TPSG1: variants seen among roughly 807,000 people sequenced by gnomAD.
TPSG1 encodes the protein tryptase gamma 1.
In TPSG1, 43 loss-of-function variants were observed where a neutral mutation model predicts 23.8. The observed-to-expected ratio is 1.81, with a 90% CI of 1.42 to 2.33. The LOEUF (loss-of-function observed/expected upper bound fraction) is 2.33, where lower values mean the gene tolerates loss of function less well. Among genes scored for constraint, TPSG1 ranks in the 30% most tolerant of loss-of-function variants. TPSG1 has a pLI of 0.00. For missense variants in TPSG1, 623 were observed against 438.6 expected, an observed-to-expected ratio of 1.42 and a Z score of -3.75; for synonymous variants, 302 against 201.3, an observed-to-expected ratio of 1.50 and a Z score of -4.23.
rs758326738 is a variant in TPSG1 at position 1,222,333 on chromosome 16, G to A, written c.520C>T (p.Pro174Ser). The A allele has an allele frequency of 4.4e-6, 7 of 1,597,222 alleles. No individual in the cohort carries two copies. The African/African-American group carries it at 6.7e-5, about 15-fold the overall frequency. ...WGYTREGEPL[P>S]PPYSLREVKV... is the part of the protein sequence containing the mutation. ...ACCTCCCGCAGGCTGTACGGGGGTGGCAGAGGCTCTGGGGTGGGGGGAACA... is the reference window on the plus strand; with the variant it reads ...ACCTCCCGCAGGCTGTACGGGGGTGACAGAGGCTCTGGGGTGGGGGGAACA... The change falls in exon 5 of 6, where the codon CCA (proline) becomes TCA (serine). Residue 174 changes from proline to serine, a missense_variant. By Grantham distance (74) the Pro-to-Ser change is moderately conservative (BLOSUM62 -1). Transcript: ENST00000234798.
intron 1 of TPSG1, chr16:1,224,906 C>A: frequency 1.7e-6 from 1 of 594,568 alleles, no homozygotes; most frequent in Non-Finnish European, 3.0e-6. Context: ...AAGAAATCAC[C>A]AGTGTTCTAG....
At position 1,222,076 on chromosome 16, in the gene TPSG1, C is replaced by G. The variant is rs1331149285; in HGVS notation, c.678G>C (p.Leu226=). Reference sequence around the variant, plus strand: ...CCCAGGCACCGTTCACCTGGCAGACCAGAGGCCCCCCGGAGTCGTCCTGAG... The same window carrying G: ...CCCAGGCACCGTTCACCTGGCAGACGAGAGGCCCCCCGGAGTCGTCCTGAG... The part of the protein sequence containing the change: ...DACQDDSGGP[L]VCQVNGAWVQ... The change falls in exon 6 of 6, where the codon CTG becomes CTC. Residue 226 remains leucine (L), a synonymous_variant. Coordinates refer to ENST00000234798, the MANE Select transcript of TPSG1 (RefSeq NM_012467.4). The G allele has an allele frequency of 5.6e-6, 9 of 1,612,818 alleles. No individual in the cohort carries two copies. The highest frequency in any genetic ancestry group is 4.2e-6 in the Non-Finnish European group (5 of 1,179,998).
rs988064217 is a variant in TPSG1, at chr16:1,221,722, G to GCTCTT, written c.*65_*66insAAGAG. On this transcript the variant is annotated 3_prime_UTR_variant, in exon 6 of 6. Transcript: ENST00000234798. ...GATGCAGAAGACTCAGCTTCTCAAG[G>GCTCTT]GAGAGGGAGGGGGCGGAGCGGAATA... 9.8e-6 allele frequency: 14 copies of GCTCTT among 1,430,212 alleles called. No homozygotes were observed. Among genetic ancestry groups the GCTCTT allele is most frequent in the Non-Finnish European group, 1.3e-5 (14 of 1,064,302 alleles). 88.6% of individuals were successfully genotyped at this position (1,430,212 alleles called of 1,614,324 possible).
chr16:1,222,772 GCTC>G lies in TPSG1; in HGVS notation c.388_390del (p.Glu130del), dbSNP rs768087879. ...CTGGAGAGGGTCACGGGGACACTGA[GCTC>G]CACCAGGGCGATGTCCCCGCTGGTC... is the stretch of plus-strand genomic sequence containing the variant. On this transcript the variant is annotated inframe_deletion, in exon 4 of 6. Transcript: ENST00000234798. 5 of 1,612,394 alleles carry G rather than the reference GCTC, an allele frequency of 3.1e-6. No homozygotes were observed. The highest frequency in any genetic ancestry group is 4.2e-6 in the Non-Finnish European group (5 of 1,179,792).
At chr16:1,222,385 G>C in intron 4 of TPSG1, 44 bp from the exon 5 acceptor site, 1 of 1,516,214 alleles carries the variant, frequency 6.6e-7, no homozygotes, top group Non-Finnish European at 8.9e-7. Flanking sequence ...GGGGCACCAG[G>C]CCCTGCACTG....
rs761461989 is a variant in TPSG1, at chr16:1,224,581, C to G, written c.73+21G>C. 4 of 1,613,840 alleles carry G rather than the reference C, an allele frequency of 2.5e-6. 1 individual carries two copies. In the South Asian group the frequency reaches 4.4e-5, roughly 18 times the overall value. ...CCTTGCCTGCACCCTCCCCCACACC[C>G]CACACCTGTCAGAGACGTACCTGGC... On this transcript the variant is annotated intron_variant, in intron 2 of 5. Coordinates refer to ENST00000234798, the MANE Select transcript of TPSG1 (RefSeq NM_012467.4).
At position 1,225,237 on chromosome 16, in the gene TPSG1, A is replaced by G. The variant is rs867757223; in HGVS notation, c.16T>C (p.Cys6Arg). The change falls in exon 1 of 6, where the codon TGT (cysteine) becomes CGT (arginine). Residue 6 changes from cysteine (C) to arginine (R), a missense_variant. By Grantham distance (180) the Cys-to-Arg change is radical. Transcript: ENST00000234798. ...ACAGCCAGGAGCAGCAGGAGGCCAC[A>G]GGCCCCAAGGGCCATGGTGTCTGCC... MALGA[C>R]GLLLLLAVPG... is the part of the protein sequence containing the mutation. 3 of 1,576,874 alleles carry G rather than the reference A, an allele frequency of 1.9e-6. No individual in the cohort carries two copies. Among genetic ancestry groups the G allele is most frequent in the Middle Eastern group, 1.7e-4 (1 of 5,994 alleles).
rs141482232 is a variant in TPSG1 at position 1,222,875 on chromosome 16, C to T, written c.288G>A (p.Leu96=). 18 of 1,609,202 alleles carry T rather than the reference C, an allele frequency of 1.1e-5. No homozygotes were observed. The African/African-American group carries it at 1.3e-4, about 12-fold the overall frequency. ...AGAAGTGGGGAGACAGAGTGATCTC[C>T]AGTTCCCCCAGGTGCACCTGGTAGT... ...SSDYQVHLGE[L]EITLSPHFST... The change falls in exon 4 of 6, where the codon CTG becomes CTA. Residue 96 remains leucine, a synonymous_variant. Transcript: ENST00000234798.
rs1372674261 is a variant in TPSG1 at position 1,221,906 on chromosome 16, G to A, written c.848C>T (p.Pro283Leu). ...GGSESGYPRLPLLAGFFLPGL... is the reference protein window; with the variant it reads ...GGSESGYPRLLLLAGFFLPGL... ...GGGGAGGAAGAAGCCAGCCAGGAGG[G>A]GGAGCCTGGGGTACCCAGACTCTGA... The change falls in exon 6 of 6, where the codon CCC becomes CTC. Residue 283 changes from proline (P) to leucine (L), a missense_variant. By Grantham distance (98) the Pro-to-Leu change is moderately conservative. Transcript: ENST00000234798. The A allele has an allele frequency of 6.2e-7, 1 of 1,611,428 alleles. No individual in the cohort carries two copies. The highest frequency in any genetic ancestry group is 1.3e-5 in the African/African-American group (1 of 75,024).
Position 1,221,926 on chromosome 16 carries a change from C to CTCTG in TPSG1, c.824_827dup (p.Glu276AspfsTer47), listed in dbSNP as rs761603952. 62 of 1,611,474 alleles carry CTCTG rather than the reference C, an allele frequency of 3.8e-5. 1 individual carries two copies. The South Asian group carries it at 6.2e-4, about 16-fold the overall frequency. On this transcript the variant is annotated frameshift_variant, in exon 6 of 6. Coordinates refer to ENST00000234798, the MANE Select transcript of TPSG1 (RefSeq NM_012467.4). LOFTEE classifies it low-confidence loss of function (END_TRUNC). ...GGAGGGGGAGCCTGGGGTACCCAGACTCTGAGCCCCCTGATGCTGTGATGT... is the reference window on the plus strand; with the variant it reads ...GGAGGGGGAGCCTGGGGTACCCAGACTCTGTCTGAGCCCCCTGATGCTGTGATGT...
In TPSG1 at chr16:1,221,975, G is replaced by T; in HGVS notation, c.779C>A (p.Ala260Asp). 1 of 1,612,502 alleles carries T rather than the reference G, an allele frequency of 6.2e-7. No homozygotes were observed. Among genetic ancestry groups the T allele is most frequent in the Non-Finnish European group, 8.5e-7 (1 of 1,179,782 alleles). ...GTGGCGGCGGATCCAGTTCACGTAG[G>T]CAGGGACACGAGTGTAGACTCCCGG... ...NRPGVYTRVP[A>D]YVNWIRRHIT... Residue 260 changes from alanine to aspartate, a missense_variant, in exon 6 of 6, where the codon GCC becomes GAC. Coordinates refer to ENST00000234798, the MANE Select transcript of TPSG1 (RefSeq NM_012467.4).
rs534132460 is a variant in TPSG1, at chr16:1,224,647, G to A, written c.47-19C>T. ...GACACACCTGTGGGAAAGACGAAGG[G>A]CCCAGGATGGAGGGGGCTGCCAAGG... On this transcript the variant is annotated intron_variant, in intron 1 of 5. Coordinates refer to ENST00000234798, the MANE Select transcript of TPSG1 (RefSeq NM_012467.4). The A allele has an allele frequency of 2.3e-5, 37 of 1,613,678 alleles. No individual in the cohort carries two copies. The South Asian group carries it at 4.0e-4, about 17-fold the overall frequency.
At chr16:1,223,830 A>C in intron 2 of TPSG1, 35 of 520,068 alleles carry the variant, frequency 6.7e-5, no homozygotes, top group East Asian at 1.9e-4. Context: ...TCCACAAACT[A>C]ACCAGGGCTC....
intron 2 of TPSG1, among the ~76,000 whole-genome samples, chr16:1,224,344 C>G (rs138563631): frequency 6.6e-6 from 1 of 152,076 alleles, no homozygotes; most frequent in Non-Finnish European, 1.5e-5. Context: ...GGAGAAAGTT[C>G]GAGGAGGGCC....
rs555418102 is a variant in TPSG1, at chr16:1,221,954, C to T, written c.800G>A (p.Arg267His). Reference sequence around the variant, plus strand: ...TGAGCCCCCTGATGCTGTGATGTGGCGGCGGATCCAGTTCACGTAGGCAGG... The same window carrying T: ...TGAGCCCCCTGATGCTGTGATGTGGTGGCGGATCCAGTTCACGTAGGCAGG... ...RVPAYVNWIR[R>H]HITASGGSES... The change falls in exon 6 of 6, where the codon CGC becomes CAC. Residue 267 changes from arginine to histidine, a missense_variant. Coordinates refer to ENST00000234798, the MANE Select transcript of TPSG1 (RefSeq NM_012467.4). 2.4e-5 allele frequency: 39 copies of T among 1,611,776 alleles called. No individual in the cohort carries two copies. The highest frequency in any genetic ancestry group is 3.1e-5 in the Non-Finnish European group (36 of 1,179,282).
At position 1,222,649 on chromosome 16, in the gene TPSG1, C is replaced by T. The variant is rs771320578; in HGVS notation, c.511+3G>A. ...TCCCAGCATCCCCACGGGGGCTCCT[C>T]ACCTCCCTCCCGCGTATAGCCCCAG... On this transcript the variant is annotated splice_donor_region_variant and intron_variant, in intron 4 of 5. Coordinates refer to ENST00000234798, the MANE Select transcript of TPSG1 (RefSeq NM_012467.4). The T allele has an allele frequency of 3.9e-6, 6 of 1,540,934 alleles. No individual in the cohort carries two copies. The South Asian group carries it at 7.5e-5, about 19-fold the overall frequency.
intron 2 of TPSG1, 33 bp from the exon 3 acceptor site, chr16:1,223,627 G>T: frequency 2.0e-6 from 3 of 1,525,996 alleles, no homozygotes; most frequent in South Asian, 1.2e-5. Flanking sequence ...GCCTGGTGGG[G>T]ATCCCAAGAA....
Position 1,221,959 on chromosome 16 carries a change from G to T in TPSG1, c.795C>A (p.Ile265=). ...YTRVPAYVNW[I]RRHITASGGS... The stretch of plus-strand genomic sequence containing the variant: ...CCCCTGATGCTGTGATGTGGCGGCG[G>T]ATCCAGTTCACGTAGGCAGGGACAC... Residue 265 remains isoleucine, a synonymous_variant, in exon 6 of 6, where the codon ATC becomes ATA. Coordinates refer to ENST00000234798, the MANE Select transcript of TPSG1 (RefSeq NM_012467.4). 6.2e-7 allele frequency: 1 copy of T among 1,612,274 alleles called. No individual in the cohort carries two copies. Among genetic ancestry groups the T allele is most frequent in the Admixed American group, 1.7e-5 (1 of 59,990 alleles).
Position 1,223,564 on chromosome 16 carries a change from C to T in TPSG1, c.104G>A (p.Gly35Asp), listed in dbSNP as rs1421443987. 6.5e-7 allele frequency: 1 copy of T among 1,544,432 alleles called. No individual in the cohort carries two copies. The highest frequency in any genetic ancestry group is 1.4e-5 in the African/African-American group (1 of 73,042). The stretch of plus-strand genomic sequence containing the variant: ...AGCGTGACCCCCCACGATCCGGCCG[C>T]CTGCATCCGAAACCTGCGGCCGGCC... ...GCGRPQVSDA[G>D]GRIVGGHAAP... The change falls in exon 3 of 6, where the codon GGC becomes GAC. Residue 35 changes from glycine to aspartate, a missense_variant. Transcript: ENST00000234798.
Sources: gnomAD v4.1 joint callset for allele counts (sites outside exome capture counted in the v4.1 genomes callset) on GRCh38, gnomAD v4.1.1 for gene constraint, MANE v1.5 for transcripts, NCBI Gene and HGNC (gene_info 2026-07-23, HGNC 2026-07-21) for gene names.